The following UNC79 variants were observed in gnomAD, a reference collection of about 807,000 sequenced individuals.
The protein encoded by UNC79 is unc-79 subunit of NALCN channel complex.
Under a neutral mutation model 283.1 loss-of-function variants are expected in UNC79, and 37 were observed. The observed-to-expected ratio is 0.13, with a 90% confidence interval of 0.10 to 0.17. UNC79 has a LOEUF of 0.17. Ranked by LOEUF, UNC79 falls within the 10% of genes least tolerant of loss-of-function variation. The pLI, the probability that UNC79 is intolerant of heterozygous loss-of-function variation, is 1.00. For synonymous variants in UNC79, 1,107 were observed against 1,200.2 expected (o/e 0.92, Z 1.61); for missense variants, 2,272 against 3,211.1 (o/e 0.71, Z 7.07).
exon 20 of UNC79, chr14:93,582,331 C>T (rs201002627): frequency 2.0e-5 from 33 of 1,613,926 alleles, no homozygotes; most frequent in Non-Finnish European, 2.7e-5. Context: ...GCACCGAGCC[C>T]GTGGAACATG....
intron 1 of UNC79, among the ~76,000 whole-genome samples, chr14:93,384,904 A>G (rs188563775): frequency 6.6e-6 from 1 of 152,162 alleles, no homozygotes; most frequent in Non-Finnish European, 1.5e-5. Flanking sequence ...GCATGTGGAT[A>G]TCCATTTCTC....
chr14:93,491,770 T>C (rs537541246), intron 5 of UNC79, among the ~76,000 whole-genome samples: 1 of 152,330 alleles, frequency 6.6e-6, no homozygotes, highest in African/African-American at 2.4e-5. Flanking sequence ...AATGTTTCAC[T>C]GGAAAACTAC....
At position 93,430,731 on chromosome 14, in the gene UNC79, T is replaced by G; in HGVS notation, c.-299T>G. The G allele has an allele frequency of 3.1e-6, 1 of 318,244 alleles. No individual in the cohort carries two copies. The highest frequency in any genetic ancestry group is 6.4e-5 in the East Asian group (1 of 15,528). 19.7% of individuals were successfully genotyped at this position (318,244 alleles called of 1,614,324 possible). On this transcript the variant is annotated 5_prime_UTR_variant, in exon 1 of 49. Transcript: ENST00000555664. This position sits in a 1 kb window ranked among gnomAD's most constrained non-coding sequence, Gnocchi z 4.6. ...CAGGAGCCGCAGCCTGCTCTCTCCT[T>G]TCGGTCTCCCCGCCCACATCAACGC...
intron 41 of UNC79, among the ~76,000 whole-genome samples, chr14:93,682,108 G>A (rs2073894098): frequency 6.6e-6 from 1 of 152,202 alleles, no homozygotes; most frequent in Non-Finnish European, 1.5e-5. Context: ...AGGAGTGGGG[G>A]TCTTTATCAG....
intron 46 of UNC79, among the ~76,000 whole-genome samples, 194 bp downstream of exon 49, chr14:93,692,140 CAAAAT>C (rs1187724627): frequency 6.6e-6 from 1 of 152,118 alleles, no homozygotes; most frequent in Non-Finnish European, 1.5e-5. Flanking sequence ...TGATTAAAAA[CAAAAT>C]AATAGTTCAA....
chr14:93,453,194 C>A (rs1447593598), intron 1 of UNC79, among the ~76,000 whole-genome samples: 1 of 152,196 alleles, frequency 6.6e-6, no homozygotes, highest in East Asian at 1.9e-4. Context: ...CAATTCTGGG[C>A]TATCTGTGTC....
At chr14:93,398,805 T>C (rs943815381) in intron 1 of UNC79, among the ~76,000 whole-genome samples, 71 of 150,684 alleles carry the variant, frequency 4.7e-4, no homozygotes, top group African/African-American at 1.7e-3. Flanking sequence ...TTGAATAATA[T>C]GTAGGGTTTA....
At chr14:93,692,861 C>G (rs2074806180) in intron 46 of UNC79, among the ~76,000 whole-genome samples, 1 of 152,156 alleles carries the variant, frequency 6.6e-6, no homozygotes, top group Non-Finnish European at 1.5e-5. Context: ...TGGAGGAGGA[C>G]TCTCAGCTGG....
chr14:93,653,817 C>T (rs766066889), exon 36 of UNC79: 49 of 1,614,040 alleles, frequency 3.0e-5, no homozygotes, highest in Middle Eastern at 1.6e-4. Flanking sequence ...TGGCCCCCAA[C>T]GGCATCTTCC....
At chr14:93,627,222 C>T (rs1477764411) in intron 30 of UNC79, among the ~76,000 whole-genome samples, 1 of 152,186 alleles carries the variant, frequency 6.6e-6, no homozygotes, top group East Asian at 1.9e-4. Flanking sequence ...CCCCATCATT[C>T]TCTTTGGTTC....
chr14:93,486,511 G>A (rs973718764), intron 4 of UNC79, among the ~76,000 whole-genome samples: 12 of 151,818 alleles, frequency 7.9e-5, no homozygotes, highest in African/African-American at 1.5e-4. Flanking sequence ...AAAATTAGCC[G>A]GGTGTGGGGG....
intron 42 of UNC79, among the ~76,000 whole-genome samples, chr14:93,685,984 G>A (rs1440879319): frequency 6.6e-6 from 1 of 152,158 alleles, no homozygotes; most frequent in Admixed American, 6.5e-5. Context: ...GAACTTGACA[G>A]TAATACATGT....
chr14:93,423,878 T>C (rs1308828899), intron 1 of UNC79, among the ~76,000 whole-genome samples: 1 of 152,066 alleles, frequency 6.6e-6, no homozygotes, highest in Non-Finnish European at 1.5e-5. Flanking sequence ...CACATCAAGT[T>C]AAAAGGCTTC....
At chr14:93,341,605 A>G (rs1261661173) in intron 1 of UNC79, among the ~76,000 whole-genome samples, 2 of 113,310 alleles carry the variant, frequency 1.8e-5, no homozygotes, top group Non-Finnish European at 3.3e-5. Flanking sequence ...CTGTCTCTAC[A>G]AAAAAAAAAA....
intron 1 of UNC79, among the ~76,000 whole-genome samples, chr14:93,412,551 A>T (rs1461639450): frequency 1.3e-5 from 2 of 152,216 alleles, no homozygotes; most frequent in East Asian, 3.9e-4. Context: ...GAAAATAAAG[A>T]AATAACATAA....
intron 7 of UNC79, among the ~76,000 whole-genome samples, chr14:93,512,000 T>C (rs1279004652): frequency 1.3e-5 from 2 of 152,226 alleles, no homozygotes; most frequent in African/African-American, 4.8e-5. Flanking sequence ...CTAAGTTCTA[T>C]ATTTGCTGCA....
chr14:93,518,597 G>A (rs2060182073), intron 7 of UNC79, among the ~76,000 whole-genome samples: 1 of 151,662 alleles, frequency 6.6e-6, no homozygotes, highest in South Asian at 2.1e-4. Flanking sequence ...ACTGAGTTCT[G>A]TTCTTTTTCT....
At chr14:93,570,141 G>T (rs989468949) in intron 14 of UNC79, among the ~76,000 whole-genome samples, 3 of 152,044 alleles carry the variant, frequency 2.0e-5, no homozygotes, top group Non-Finnish European at 2.9e-5. Flanking sequence ...TAGATACAGG[G>T]TCTCACTGTG....
At chr14:93,348,444 G>A in intron 1 of UNC79, 1 of 257,606 alleles carries the variant, frequency 3.9e-6, no homozygotes, top group African/African-American at 2.3e-5. Flanking sequence ...AGTGACTCAG[G>A]GAGTGACATT....
Sources: gnomAD v4.1 joint callset for allele counts (sites outside exome capture counted in the v4.1 genomes callset) on GRCh38, gnomAD v4.1.1 for gene constraint, Gnocchi (gnomAD v3.1) non-coding constraint, MANE v1.5 for transcripts, NCBI Gene and HGNC (gene_info 2026-07-23, HGNC 2026-07-21) for gene names.